MACROD2: variants seen among roughly 807,000 people sequenced by gnomAD.
The protein encoded by MACROD2 is ADP-ribose glycohydrolase MACROD2.
A neutral mutation model predicts 70.4 loss-of-function variants in MACROD2; 36 were observed. The ratio of observed to expected loss-of-function variants is 0.51; its 90% CI spans 0.39 to 0.68. The LOEUF (loss-of-function observed/expected upper bound fraction) is 0.68. Ranked by LOEUF, MACROD2 falls within the 30% of genes least tolerant of loss-of-function variation. The pLI is 0.00. For synonymous variants in MACROD2, 172 were observed against 178.8 expected (o/e 0.96, Z 0.30); for missense variants, 496 against 538.4 (o/e 0.92, Z 0.78).
chr20:14,629,109 T>C (rs1568708906), intron 4 of MACROD2, among the ~76,000 whole-genome samples: 1 of 152,088 alleles, frequency 6.6e-6, no homozygotes, highest in Admixed American at 6.6e-5. Context: ...CTAAAACAGG[T>C]GCTCCCAAAG....
intron 3 of MACROD2, among the ~76,000 whole-genome samples, chr20:14,190,343 G>C (rs1481355235): frequency 1.3e-5 from 2 of 152,038 alleles, no homozygotes; most frequent in African/African-American, 4.8e-5. Context: ...ATGGTGTCCA[G>C]AATTATTTTT....
chr20:15,556,665 G>C (rs1346756687), intron 8 of MACROD2, among the ~76,000 whole-genome samples: 3 of 152,160 alleles, frequency 2.0e-5, no homozygotes, highest in Non-Finnish European at 4.4e-5. Flanking sequence ...AAAAGCATTT[G>C]GGAGATATTA....
At chr20:15,789,377 A>G (rs2051983396) in intron 8 of MACROD2, among the ~76,000 whole-genome samples, 1 of 152,184 alleles carries the variant, frequency 6.6e-6, no homozygotes, top group Non-Finnish European at 1.5e-5. Context: ...ACATAAAATC[A>G]TATGACCCAG....
chr20:14,630,170 T>G (rs765971617), intron 4 of MACROD2, among the ~76,000 whole-genome samples: 72 of 152,296 alleles, frequency 4.7e-4, no homozygotes, highest in Non-Finnish European at 8.4e-4. Flanking sequence ...CTCTTAACCA[T>G]CCTGTTACCC....
intron 8 of MACROD2, among the ~76,000 whole-genome samples, chr20:15,849,319 C>T (rs558936067): frequency 2.8e-4 from 43 of 152,310 alleles, no homozygotes; most frequent in African/African-American, 1.0e-3. Flanking sequence ...TTGAGAAAAA[C>T]AGCTTTTGTC....
intron 8 of MACROD2, among the ~76,000 whole-genome samples, chr20:15,641,936 G>T (rs996787271): frequency 6.6e-6 from 1 of 152,108 alleles, no homozygotes; most frequent in Non-Finnish European, 1.5e-5. Context: ...TCATTCTAAT[G>T]TATGAAAACA....
At chr20:15,438,091 G>A (rs1040753567) in intron 7 of MACROD2, among the ~76,000 whole-genome samples, 1 of 151,852 alleles carries the variant, frequency 6.6e-6, no homozygotes, top group East Asian at 1.9e-4. Context: ...GGAGGTGGAA[G>A]TTGCAGTGAG....
chr20:16,004,861 A>G (rs978461434), intron 15 of MACROD2, among the ~76,000 whole-genome samples: 1 of 152,148 alleles, frequency 6.6e-6, no homozygotes, highest in Non-Finnish European at 1.5e-5. Context: ...GGGCAGTTAT[A>G]CTTTTTACAG....
chr20:16,028,385 ATTT>A (rs11483358), intron 15 of MACROD2, among the ~76,000 whole-genome samples: 2 of 146,536 alleles, frequency 1.4e-5, no homozygotes, highest in South Asian at 2.2e-4. Flanking sequence ...CCTGGTGGAC[ATTT>A]TTTTTTTTTT....
At chr20:16,018,896 A>G (rs2066965521) in intron 15 of MACROD2, among the ~76,000 whole-genome samples, 1 of 152,114 alleles carries the variant, frequency 6.6e-6, no homozygotes, top group Admixed American at 6.5e-5. Flanking sequence ...TTCTTTCACC[A>G]TATAGTCCTT....
At chr20:15,215,252 T>G (rs1011110858) in intron 5 of MACROD2, among the ~76,000 whole-genome samples, 17 of 135,474 alleles carry the variant, frequency 1.3e-4, no homozygotes, top group Admixed American at 1.5e-4. Flanking sequence ...CTCCTGTATT[T>G]TGTGTGTGTG....
At chr20:14,419,114 G>A (rs182535214) in intron 3 of MACROD2, among the ~76,000 whole-genome samples, 2 of 152,222 alleles carry the variant, frequency 1.3e-5, no homozygotes, top group Admixed American at 1.3e-4. Context: ...GAGTGCAATG[G>A]CGGGATCTCG....
chr20:14,583,000 T>C (rs1395831702), intron 4 of MACROD2, among the ~76,000 whole-genome samples: 1 of 152,092 alleles, frequency 6.6e-6, no homozygotes, highest in East Asian at 1.9e-4. Context: ...TGTGGTTGAG[T>C]GTGCAGAAGT....
intron 8 of MACROD2, among the ~76,000 whole-genome samples, chr20:15,565,009 A>T (rs2048292503): frequency 6.6e-6 from 1 of 152,140 alleles, no homozygotes; most frequent in Non-Finnish European, 1.5e-5. Flanking sequence ...AATGTACTGG[A>T]TCCATTGCAT....
At chr20:15,354,941 G>T (rs372678998) in intron 6 of MACROD2, among the ~76,000 whole-genome samples, 1 of 152,072 alleles carries the variant, frequency 6.6e-6, no homozygotes. Context: ...TGTACTTTAG[G>T]TGCATGATTT....
At chr20:15,108,865 A>G (rs770969618) in intron 5 of MACROD2, among the ~76,000 whole-genome samples, 2 of 151,660 alleles carry the variant, frequency 1.3e-5, no homozygotes, top group African/African-American at 2.4e-5. Flanking sequence ...AGGGTCAGGA[A>G]AGTTAGATAA....
chr20:14,331,481 T>G (rs2082838358), intron 3 of MACROD2, among the ~76,000 whole-genome samples: 1 of 152,112 alleles, frequency 6.6e-6, no homozygotes, highest in Non-Finnish European at 1.5e-5. Context: ...CTCATTAAGT[T>G]CTTGGAAAAT....
At chr20:14,876,138 CTGTTT>C (rs1054334010) in intron 5 of MACROD2, among the ~76,000 whole-genome samples, 40 of 152,218 alleles carry the variant, frequency 2.6e-4, no homozygotes, top group African/African-American at 9.1e-4. Context: ...AACTTCTGTT[CTGTTT>C]TGACATTTTA....
In MACROD2 at chr20:15,784,517, G is replaced by A. The variant is rs1359099527; in HGVS notation, c.646-78228G>A. Among the ~76,000 whole-genome samples the A allele has an allele frequency of 3.3e-5, 5 of 152,048 alleles. No homozygotes were observed. The East Asian group carries it at 5.8e-4, about 18-fold the overall frequency. ...GAAAACATTACTCATTTTTGTCAAA[G>A]GGCTGCACAAGAGCTTTATTATACA... On this transcript the variant is annotated intron_variant, in intron 8 of 17. Coordinates refer to ENST00000684519, the MANE Select transcript of MACROD2 (RefSeq NM_001351661.2).
Sources: allele counts gnomAD v4.1 joint callset (sites outside exome capture counted in the v4.1 genomes callset), GRCh38; gene constraint gnomAD v4.1.1; transcripts MANE v1.5; gene names NCBI Gene and HGNC (gene_info 2026-07-23, HGNC 2026-07-21).